Variants in PRKN observed in about 807,000 individuals in gnomAD.
The protein encoded by PRKN is parkin RBR E3 ubiquitin protein ligase, also known as E3 ubiquitin-protein ligase parkin.
PRKN carries 56 observed loss-of-function variants against 59.5 expected under a neutral mutation model. The observed-to-expected ratio is 0.94, with a 90% CI of 0.76 to 1.18. PRKN has a LOEUF of 1.18. Among genes scored for constraint, PRKN ranks in the 50% most tolerant of loss-of-function variants. The pLI is 0.00. For synonymous variants in PRKN, 250 were observed against 222.1 expected (o/e 1.13, Z -1.12); for missense variants, 657 against 596.4 (o/e 1.10, Z -1.06).
intron 1 of PRKN, among the ~76,000 whole-genome samples, chr6:162,444,357 C>T (rs965443564): frequency 1.3e-5 from 2 of 152,144 alleles, no homozygotes; most frequent in African/African-American, 2.4e-5. Context: ...TGTCACACCA[C>T]TCAAATCCTT....
intron 7 of PRKN, among the ~76,000 whole-genome samples, chr6:161,651,284 A>G (rs1483304463): frequency 6.6e-6 from 1 of 152,192 alleles, no homozygotes; most frequent in Admixed American, 6.5e-5. Context: ...TTTCTCTCCC[A>G]TAACTAATTA....
At chr6:161,756,685 C>G (rs1328069406) in intron 7 of PRKN, among the ~76,000 whole-genome samples, 1 of 151,570 alleles carries the variant, frequency 6.6e-6, no homozygotes, top group Non-Finnish European at 1.5e-5. Flanking sequence ...TAGTGAAATA[C>G]CCACTGGGTT....
intron 1 of PRKN, chr6:162,569,243 GGCCTCA>G (rs1194406648): frequency 8.6e-6 from 5 of 578,496 alleles, no homozygotes; most frequent in Non-Finnish European, 1.6e-5. Context: ...TGAGACTGAG[GGCCTCA>G]AAAGCCAGAG....
At chr6:161,782,652 G>GGGAGGCT (rs1204569854) in intron 7 of PRKN, among the ~76,000 whole-genome samples, 1 of 152,062 alleles carries the variant, frequency 6.6e-6, no homozygotes, top group Non-Finnish European at 1.5e-5. Flanking sequence ...CCAGCACCTT[G>GGGAGGCT]GGAGGCTGAG....
At position 161,442,043 on chromosome 6, in the gene PRKN, T is replaced by C. The variant is rs10806745; in HGVS notation, c.1084-55166A>G. ...CAGAAGTTATAGAGACGATGTAAGA[T>C]GAAATACTGTTCAGTGGGCTAATGC... On this transcript the variant is annotated intron_variant, in intron 9 of 11. Coordinates refer to ENST00000366898, the MANE Select transcript of PRKN (RefSeq NM_004562.3). This position sits in a 1 kb window ranked among gnomAD's most constrained non-coding sequence, Gnocchi z 4.6. Among the ~76,000 whole-genome samples the C allele has an allele frequency of 0.56, 85,666 of 152,054 alleles. 25,219 individuals carry two copies. Among genetic ancestry groups the C allele is most frequent in the Middle Eastern group, 0.68 (199 of 294 alleles).
Position 161,902,560 on chromosome 6 carries a change from A to ATCTATTTTTTTTTT in PRKN, c.734+70741_734+70742insAAAAAAAAAATAGA, listed in dbSNP as rs1554245457. On this transcript the variant is annotated intron_variant, in intron 6 of 11. Transcript: ENST00000366898. ...TATCTATCTATCTATTTATTTATTT[A>ATCTATTTTTTTTTT]TTTATTTTTTTTTTTTTGCGACAGA... 1.4e-3 allele frequency among the ~76,000 whole-genome samples: 177 copies of ATCTATTTTTTTTTT among 125,306 alleles called. 3 individuals carry two copies. The highest frequency in any genetic ancestry group is 5.2e-3 in the East Asian group (21 of 4,066). The allele number at this position is 125,306 out of a possible 152,430, so 82.2% of individuals were successfully genotyped here. A position where few individuals can be genotyped will look rare whatever the true frequency, so the allele number is the denominator to read the frequency against.
intron 1 of PRKN, among the ~76,000 whole-genome samples, chr6:162,561,352 G>C (rs965769529): frequency 6.6e-6 from 1 of 152,006 alleles, no homozygotes; most frequent in African/African-American, 2.4e-5. Context: ...GAAAGCCAAT[G>C]ACTATCTAGT....
chr6:162,166,770 A>C (rs1236621339), intron 4 of PRKN, among the ~76,000 whole-genome samples: 1 of 152,166 alleles, frequency 6.6e-6, no homozygotes, highest in African/African-American at 2.4e-5. Context: ...GCATGAAGAG[A>C]TTAGTAGACA....
chr6:161,389,001 A>G (rs1786387640), intron 9 of PRKN, among the ~76,000 whole-genome samples: 1 of 152,242 alleles, frequency 6.6e-6, no homozygotes, highest in African/African-American at 2.4e-5. Context: ...AAGATTCAAA[A>G]ATTTACAGAG....
chr6:161,604,457 A>T (rs919224146), intron 7 of PRKN, among the ~76,000 whole-genome samples: 4 of 152,186 alleles, frequency 2.6e-5, no homozygotes, highest in African/African-American at 9.7e-5. Flanking sequence ...TTAGCCTCCA[A>T]TCTACTCGGC....
intron 7 of PRKN, chr6:161,783,542 G>A (rs114653398): frequency 0.011 from 5,033 of 460,656 alleles, 47 homozygotes; most frequent in African/African-American, 0.03. Context: ...GTTTGAAATC[G>A]TCTAAAATAA....
intron 2 of PRKN, among the ~76,000 whole-genome samples, chr6:162,424,461 C>T (rs375409653): frequency 2.6e-5 from 4 of 151,984 alleles, no homozygotes; most frequent in African/African-American, 7.2e-5. Context: ...GTGTGCCGGG[C>T]GTGGTGGCTC....
At chr6:162,671,835 C>T (rs2803091) in intron 1 of PRKN, among the ~76,000 whole-genome samples, 125,466 of 151,908 alleles carry the variant, frequency 0.83, 52,069 homozygotes, top group East Asian at 0.98. Flanking sequence ...TCAAATTGTA[C>T]AGTCAAAGAA....
intron 3 of PRKN, among the ~76,000 whole-genome samples, chr6:162,240,106 C>T (rs1029767603): frequency 3.3e-5 from 5 of 152,136 alleles, no homozygotes; most frequent in African/African-American, 1.2e-4. Context: ...GCAGGTTTTA[C>T]GCTCAGGTTT....
intron 6 of PRKN, among the ~76,000 whole-genome samples, chr6:161,946,488 C>G (rs1779788861): frequency 6.8e-6 from 1 of 147,896 alleles, no homozygotes; most frequent in South Asian, 2.2e-4. Context: ...GTCTTGAATC[C>G]ATAGAATCCT....
At chr6:161,938,297 C>A (rs1779428508) in intron 6 of PRKN, among the ~76,000 whole-genome samples, 1 of 152,134 alleles carries the variant, frequency 6.6e-6, no homozygotes, top group Non-Finnish European at 1.5e-5. Context: ...TTCAGGACTT[C>A]AAGAGAGTTT....
At position 161,470,140 on chromosome 6, in the gene PRKN, G is replaced by T. The variant is rs139706634; in HGVS notation, c.1083+78714C>A. Among the ~76,000 whole-genome samples, 23 of 152,332 alleles carry T rather than the reference G, an allele frequency of 1.5e-4. No homozygotes were observed. Among genetic ancestry groups the T allele is most frequent in the African/African-American group, 5.3e-4 (22 of 41,576 alleles). ...GCTCAAAATTGCATAGCTAGGAAGT[G>T]AACTCTGGCTAGGGTCTAAACCTAG... On this transcript the variant is annotated intron_variant, in intron 9 of 11. Transcript: ENST00000366898. This position sits in a 1 kb window ranked among gnomAD's most constrained non-coding sequence, Gnocchi z 5.1.
rs542868352 is a variant in PRKN, at chr6:161,394,756, A to G, written c.1084-7879T>C. Among the ~76,000 whole-genome samples, 36 of 152,284 alleles carry G rather than the reference A, an allele frequency of 2.4e-4. 1 individual carries two copies. Among genetic ancestry groups the G allele is most frequent in the Non-Finnish European group, 4.4e-4 (30 of 68,016 alleles). ...GAAAAGACCCACTGAGCTTACTTTCAACAGGCTGACCTCAGCACCTCACAT... is the reference window on the plus strand; with the variant it reads ...GAAAAGACCCACTGAGCTTACTTTCGACAGGCTGACCTCAGCACCTCACAT... On this transcript the variant is annotated intron_variant, in intron 9 of 11. Transcript: ENST00000366898.
At chr6:162,404,405 C>T (rs1419798333) in intron 2 of PRKN, among the ~76,000 whole-genome samples, 3 of 151,510 alleles carry the variant, frequency 2.0e-5, no homozygotes, top group Admixed American at 6.6e-5. Context: ...GAAAGAAAAT[C>T]CTTTTTTCTT....
Sources: gnomAD v4.1 joint callset for allele counts (sites outside exome capture counted in the v4.1 genomes callset) on GRCh38, gnomAD v4.1.1 for gene constraint, Gnocchi (gnomAD v3.1) non-coding constraint, MANE v1.5 for transcripts, NCBI Gene and HGNC (gene_info 2026-07-23, HGNC 2026-07-21) for gene names.